The following SLC35D4 variants were observed in gnomAD, a reference collection of about 807,000 sequenced individuals.
SLC35D4 encodes solute carrier family 35 member D4.
the SLC35D4 span, among the ~76,000 whole-genome samples, chr18:23,427,288 C>G: frequency 6.6e-6 from 1 of 152,258 alleles, no homozygotes; most frequent in Non-Finnish European, 1.5e-5. Context: ...CGGCTAATAT[C>G]CAGAATCTAC....
chr18:23,405,960 T>G, the SLC35D4 span, among the ~76,000 whole-genome samples: 2 of 152,216 alleles, frequency 1.3e-5, no homozygotes, highest in Non-Finnish European at 2.9e-5. Context: ...GGTAAAGACA[T>G]GAGCTACAAG....
At chr18:23,338,769 C>A in the SLC35D4 span, among the ~76,000 whole-genome samples, 3 of 152,248 alleles carry the variant, frequency 2.0e-5, no homozygotes, top group East Asian at 5.8e-4. Context: ...ACTTCTGTAC[C>A]CACAATGCGC....
chr18:23,299,772 G>C, the SLC35D4 span, among the ~76,000 whole-genome samples: 1 of 152,208 alleles, frequency 6.6e-6, no homozygotes, highest in Admixed American at 6.5e-5. Context: ...GTCAGGTTGA[G>C]GGGCTTAGAG....
the SLC35D4 span, among the ~76,000 whole-genome samples, chr18:23,406,418 G>T: frequency 6.6e-6 from 1 of 152,184 alleles, no homozygotes; most frequent in African/African-American, 2.4e-5. Flanking sequence ...TGTTAAAGCA[G>T]ATAAGAAGGA....
chr18:23,423,171 G>C, the SLC35D4 span, among the ~76,000 whole-genome samples: 35 of 152,338 alleles, frequency 2.3e-4, no homozygotes, highest in Middle Eastern at 3.4e-3. Flanking sequence ...GCCAGGCCAT[G>C]TCATACTTCT....
the SLC35D4 span, among the ~76,000 whole-genome samples, chr18:23,437,162 G>T: frequency 6.6e-6 from 1 of 152,184 alleles, no homozygotes; most frequent in African/African-American, 2.4e-5. Flanking sequence ...AAACCCCAAA[G>T]CTGGCACCAC....
the SLC35D4 span, among the ~76,000 whole-genome samples, chr18:23,352,990 C>G: frequency 6.6e-6 from 1 of 152,016 alleles, no homozygotes; most frequent in East Asian, 1.9e-4. Flanking sequence ...CAAAAGTGCC[C>G]TGTGTGGCCA....
chr18:23,376,960 A>G, the SLC35D4 span: 16 of 456,436 alleles, frequency 3.5e-5, no homozygotes, highest in Admixed American at 7.0e-5. Flanking sequence ...AAGGAATAAA[A>G]GGAGGGTGGG....
chr18:23,352,155 A>T, the SLC35D4 span: 2 of 1,544,402 alleles, frequency 1.3e-6, no homozygotes, highest in Non-Finnish European at 1.8e-6. Context: ...TTGGATACAC[A>T]GGCTCTTGAG....
the SLC35D4 span, among the ~76,000 whole-genome samples, chr18:23,373,150 C>T: frequency 6.6e-6 from 1 of 152,018 alleles, no homozygotes; most frequent in Non-Finnish European, 1.5e-5. Flanking sequence ...CTCATCTGTA[C>T]TAAAAATACA....
chr18:23,281,819 G>T, the SLC35D4 span, among the ~76,000 whole-genome samples: 3 of 152,250 alleles, frequency 2.0e-5, no homozygotes, highest in African/African-American at 7.2e-5. Context: ...AACAGGAGTG[G>T]CTGCTTTGGC....
chr18:23,359,048 T>G, the SLC35D4 span, among the ~76,000 whole-genome samples: 1 of 152,126 alleles, frequency 6.6e-6, no homozygotes, highest in Non-Finnish European at 1.5e-5. Context: ...CTGCACCATC[T>G]AGTGCTGAAC....
the SLC35D4 span, chr18:23,371,408 C>A: frequency 6.4e-7 from 1 of 1,563,696 alleles, no homozygotes; most frequent in Non-Finnish European, 8.6e-7. Flanking sequence ...CATAATAATT[C>A]TTTTAAAACT....
the SLC35D4 span, among the ~76,000 whole-genome samples, chr18:23,241,247 G>T: frequency 2.6e-5 from 4 of 152,016 alleles, no homozygotes; most frequent in African/African-American, 9.7e-5. Context: ...TGGGCCACGT[G>T]CAGTGGATCA....
At chr18:23,421,833 T>C in the SLC35D4 span, among the ~76,000 whole-genome samples, 3 of 152,102 alleles carry the variant, frequency 2.0e-5, no homozygotes, top group South Asian at 2.1e-4. Context: ...CGTGCCACCA[T>C]GCCTGGCTAA....
chr18:23,339,547 A>G, the SLC35D4 span, among the ~76,000 whole-genome samples: 1 of 152,300 alleles, frequency 6.6e-6, no homozygotes, highest in African/African-American at 2.4e-5. Flanking sequence ...CTATCTTTGG[A>G]TATCTTTCTA....
chr18:23,408,604 T>A, the SLC35D4 span, among the ~76,000 whole-genome samples: 1 of 152,140 alleles, frequency 6.6e-6, no homozygotes, highest in Non-Finnish European at 1.5e-5. Context: ...AATGCCTACA[T>A]CCCACACCTG....
chr18:23,430,951 C>T, the SLC35D4 span, among the ~76,000 whole-genome samples: 6 of 151,854 alleles, frequency 4.0e-5, no homozygotes, highest in Middle Eastern at 3.4e-3. Flanking sequence ...GTGAGGAGTT[C>T]GAGACCAGCC....
At chr18:23,436,328 CACA>C in the SLC35D4 span, among the ~76,000 whole-genome samples, 2 of 151,134 alleles carry the variant, frequency 1.3e-5, no homozygotes, top group African/African-American at 2.4e-5. Flanking sequence ...ACGCCCGGGC[CACA>C]ACAACAATTT....
Sources: allele counts gnomAD v4.1 joint callset (sites outside exome capture counted in the v4.1 genomes callset), GRCh38; gene constraint gnomAD v4.1.1; transcripts MANE v1.5; gene names NCBI Gene and HGNC (gene_info 2026-07-23, HGNC 2026-07-21).